Variants in KAZN observed in about 807,000 individuals in gnomAD.
KAZN encodes kazrin, periplakin interacting protein.
Under a neutral mutation model 87.4 loss-of-function variants are expected in KAZN, and 40 were observed. The ratio of observed to expected loss-of-function variants is 0.46; its 90% CI spans 0.36 to 0.60. KAZN has a LOEUF of 0.60. Ranked by LOEUF, KAZN falls within the 20% of genes least tolerant of loss-of-function variation. The probability of loss-of-function intolerance (pLI) is 0.00; values close to 1 mark genes in which losing one functional copy is unlikely to be tolerated. For synonymous variants in KAZN, 466 were observed against 458.3 expected (o/e 1.02, Z -0.22); for missense variants, 898 against 1,073.9 (o/e 0.84, Z 2.29).
At chr1:14,885,286 C>T (rs1470733383) in intron 1 of KAZN, among the ~76,000 whole-genome samples, 1 of 152,058 alleles carries the variant, frequency 6.6e-6, no homozygotes, top group African/African-American at 2.4e-5. Flanking sequence ...CTCCTACGTC[C>T]TTGCCTGCTC....
chr1:14,289,875 G>A lies in KAZN; in HGVS notation c.249+109283G>A, dbSNP rs574234826. Among the ~76,000 whole-genome samples the A allele has an allele frequency of 3.5e-4, 54 of 152,276 alleles. 1 individual carries two copies. In the South Asian group the frequency reaches 0.01, roughly 29 times the overall value. ...TCAGGAGCTCTTGTAAGGCAGGCCC[G>A]GTGGTGACAAAATCTCTCAGCGTTT... On this transcript the variant is annotated intron_variant, in intron 2 of 16. Transcript: ENST00000636203.
Position 14,269,922 on chromosome 1 carries a change from A to G in KAZN, c.249+89330A>G, listed in dbSNP as rs559397164. ...GTCTGAGTCTGCTTTGTGTTGTTGT[A>G]ACAATACCTGAGACCAGGTAGTTCC... On this transcript the variant is annotated intron_variant, in intron 2 of 16. Coordinates refer to the KAZN transcript ENST00000636203. 4.4e-4 allele frequency among the ~76,000 whole-genome samples: 67 copies of G among 152,292 alleles called. 1 individual carries two copies. The South Asian group carries it at 9.1e-3, about 21-fold the overall frequency.
At chr1:14,651,647 A>T (rs971869527) in intron 1 of KAZN, among the ~76,000 whole-genome samples, 4 of 152,252 alleles carry the variant, frequency 2.6e-5, no homozygotes, top group African/African-American at 9.6e-5. Context: ...TGTTGAAAAG[A>T]ACAACATTTG....
At chr1:14,410,838 A>G (rs1011471463) in intron 2 of KAZN, among the ~76,000 whole-genome samples, 12 of 152,204 alleles carry the variant, frequency 7.9e-5, no homozygotes, top group Non-Finnish European at 2.9e-5. Flanking sequence ...GAGGCCAGGC[A>G]TGGATTCTCC....
chr1:14,492,247 T>A (rs1669688541), intron 2 of KAZN, among the ~76,000 whole-genome samples: 1 of 152,026 alleles, frequency 6.6e-6, no homozygotes, highest in South Asian at 2.1e-4. Flanking sequence ...GGAGTTTGGG[T>A]TCTTCTGGGC....
At chr1:15,007,073 A>G (rs916822242) in intron 2 of KAZN, among the ~76,000 whole-genome samples, 5 of 127,242 alleles carry the variant, frequency 3.9e-5, no homozygotes, top group South Asian at 2.9e-4. Flanking sequence ...AAAAAAAAAA[A>G]AAAAGAAAAA....
At chr1:15,031,906 C>G (rs902679412) in intron 2 of KAZN, among the ~76,000 whole-genome samples, 4 of 152,148 alleles carry the variant, frequency 2.6e-5, no homozygotes, top group Non-Finnish European at 5.9e-5. Context: ...AGGCGCCCAG[C>G]CTTATTTTGT....
At chr1:13,950,727 AC>A (rs1413544183) in intron 1 of KAZN, among the ~76,000 whole-genome samples, 1 of 152,090 alleles carries the variant, frequency 6.6e-6, no homozygotes, top group Non-Finnish European at 1.5e-5. Flanking sequence ...AGGAACGAAT[AC>A]CCCAACCTCA....
chr1:14,663,830 A>C (rs2148720667), intron 1 of KAZN, among the ~76,000 whole-genome samples: 1 of 152,340 alleles, frequency 6.6e-6, no homozygotes, highest in East Asian at 1.9e-4. Flanking sequence ...TGTACCCAAA[A>C]GAATGGAAAG....
At chr1:13,994,781 G>C (rs114860854) in intron 1 of KAZN, among the ~76,000 whole-genome samples, 1 of 152,226 alleles carries the variant, frequency 6.6e-6, no homozygotes, top group East Asian at 1.9e-4. Flanking sequence ...CAAGGAAAAG[G>C]GCCTGTGAAG....
chr1:15,045,850 C>T (rs1673426017), intron 4 of KAZN, among the ~76,000 whole-genome samples: 1 of 152,164 alleles, frequency 6.6e-6, no homozygotes, highest in African/African-American at 2.4e-5. Flanking sequence ...ACGAGAACAG[C>T]ATAGGGGAAA....
At chr1:14,790,151 T>C (rs889768628) in intron 1 of KAZN, among the ~76,000 whole-genome samples, 1 of 151,946 alleles carries the variant, frequency 6.6e-6, no homozygotes, top group Non-Finnish European at 1.5e-5. Context: ...TACAAACATG[T>C]GCCACATGTC....
intron 1 of KAZN, among the ~76,000 whole-genome samples, chr1:14,079,524 T>C: frequency 6.6e-6 from 1 of 152,196 alleles, no homozygotes; most frequent in East Asian, 1.9e-4. Flanking sequence ...GAATGCTACG[T>C]GTTCTAGGAT....
intron 1 of KAZN, among the ~76,000 whole-genome samples, chr1:14,955,759 T>A (rs1663013805): frequency 6.6e-6 from 1 of 152,214 alleles, no homozygotes; most frequent in Non-Finnish European, 1.5e-5. Flanking sequence ...CATCTCACTC[T>A]CTGCTCTCAT....
chr1:14,932,719 G>A (rs1326891750), intron 1 of KAZN, among the ~76,000 whole-genome samples: 2 of 151,742 alleles, frequency 1.3e-5, no homozygotes, highest in Non-Finnish European at 2.9e-5. Context: ...TGACATCGGT[G>A]GGCTCAAATG....
intron 2 of KAZN, among the ~76,000 whole-genome samples, chr1:14,445,342 A>T (rs1490866950): frequency 6.6e-6 from 1 of 152,274 alleles, no homozygotes; most frequent in Non-Finnish European, 1.5e-5. Flanking sequence ...TGTGCTTTTA[A>T]GAGGAGAAAA....
intron 1 of KAZN, among the ~76,000 whole-genome samples, chr1:13,950,639 GTTA>G (rs1437169919): frequency 2.0e-5 from 3 of 152,188 alleles, no homozygotes; most frequent in African/African-American, 4.8e-5. Context: ...GACTGCAGGA[GTTA>G]TTATAACCCT....
chr1:14,675,200 G>A (rs1640145241), intron 1 of KAZN, among the ~76,000 whole-genome samples: 1 of 152,156 alleles, frequency 6.6e-6, no homozygotes, highest in Admixed American at 6.5e-5. Flanking sequence ...CTGCCACCAG[G>A]CCCCACTGCC....
At chr1:14,031,680 T>C (rs1641334127) in intron 1 of KAZN, among the ~76,000 whole-genome samples, 1 of 152,212 alleles carries the variant, frequency 6.6e-6, no homozygotes. Context: ...ACATCCCACG[T>C]TGTAATTTTG....
Sources: allele counts gnomAD v4.1 joint callset (sites outside exome capture counted in the v4.1 genomes callset), GRCh38; gene constraint gnomAD v4.1.1; transcripts MANE v1.5; gene names NCBI Gene and HGNC (gene_info 2026-07-23, HGNC 2026-07-21).